AMBRA1: variants seen among roughly 807,000 people sequenced by gnomAD.
AMBRA1 encodes autophagy and beclin 1 regulator 1.
AMBRA1 carries 47 observed loss-of-function variants against 125.4 expected under a neutral mutation model. The ratio of observed to expected loss-of-function variants is 0.37; its 90% CI spans 0.30 to 0.48. The LOEUF (loss-of-function observed/expected upper bound fraction) is 0.48, where lower values mean the gene tolerates loss of function less well. Among genes scored for constraint, AMBRA1 ranks in the 20% least tolerant of loss-of-function variants. The pLI is 0.99. For missense variants in AMBRA1, 1,331 were observed against 1,693.4 expected, an observed-to-expected ratio of 0.79 and a Z score of 3.76; for synonymous variants, 626 against 655.5, an observed-to-expected ratio of 0.95 and a Z score of 0.69.
rs376203986 is a variant in AMBRA1, at chr11:46,493,612, C to T, written c.2517G>A (p.Leu839=). 3.3e-5 allele frequency: 53 copies of T among 1,603,186 alleles called. No homozygotes were observed. The highest frequency in any genetic ancestry group is 3.8e-5 in the Non-Finnish European group (45 of 1,176,744). The change falls in exon 11 of 18, where the codon CTG becomes CTA. Residue 839 remains leucine, a synonymous_variant. Transcript: ENST00000683756. The part of the protein sequence containing the change: ...LATHSSVNRV[L]AGAVIGDGQS... ...GCCAAAGAAACATTTCCTTACCTGC[C>T]AGGACCCTGTTAACAGAAGAGTGAG...
intron 14 of AMBRA1, chr11:46,428,649 A>C: frequency 6.3e-7 from 1 of 1,595,138 alleles, no homozygotes; most frequent in Non-Finnish European, 8.5e-7. Flanking sequence ...AATCCTCTCC[A>C]ATTTTACTGA....
chr11:46,537,220 C>T (rs1042548734), intron 7 of AMBRA1, among the ~76,000 whole-genome samples: 5 of 152,158 alleles, frequency 3.3e-5, no homozygotes, highest in African/African-American at 4.8e-5. Flanking sequence ...TAAGAGTTAA[C>T]TGAAAAGTTC....
chr11:46,511,995 C>G (rs1328689132), intron 8 of AMBRA1, among the ~76,000 whole-genome samples: 1 of 152,194 alleles, frequency 6.6e-6, no homozygotes, highest in Non-Finnish European at 1.5e-5. Context: ...GCTGGGATTA[C>G]AGGCATCTGC....
At position 46,409,963 on chromosome 11, in the gene AMBRA1, G is replaced by C. The variant is rs573816148; in HGVS notation, c.3209+313C>G. 1.3e-4 allele frequency among the ~76,000 whole-genome samples: 20 copies of C among 152,354 alleles called. No homozygotes were observed. The South Asian group carries it at 4.1e-3, about 32-fold the overall frequency. On this transcript the variant is annotated intron_variant, in intron 16 of 17. Coordinates refer to ENST00000683756, the MANE Select transcript of AMBRA1 (RefSeq NM_001387011.1). ...CTGGAAGAGCCTGGGCCATGGAGCA[G>C]ACTTCATGGGGCGGCATCCTTCTCC... is the stretch of plus-strand genomic sequence containing the variant.
chr11:46,587,884 C>G (rs1173660732), intron 1 of AMBRA1, among the ~76,000 whole-genome samples: 1 of 152,052 alleles, frequency 6.6e-6, no homozygotes, highest in Non-Finnish European at 1.5e-5. Context: ...CAGTCACAAT[C>G]AAGAAATAGC....
intron 14 of AMBRA1, among the ~76,000 whole-genome samples, chr11:46,420,497 G>A (rs987718145): frequency 5.9e-5 from 9 of 152,154 alleles, no homozygotes; most frequent in African/African-American, 1.9e-4. Flanking sequence ...AATGAGGTGT[G>A]GCACCTTTAT....
intron 11 of AMBRA1, among the ~76,000 whole-genome samples, chr11:46,445,894 G>A (rs1948258590): frequency 6.6e-6 from 1 of 152,194 alleles, no homozygotes; most frequent in Non-Finnish European, 1.5e-5. Context: ...CATATTTTAA[G>A]AGCTTATTCT....
intron 11 of AMBRA1, among the ~76,000 whole-genome samples, chr11:46,444,943 T>G (rs527500096): frequency 6.6e-6 from 1 of 152,232 alleles, no homozygotes; most frequent in Non-Finnish European, 1.5e-5. Flanking sequence ...ATTTTCAATT[T>G]GTAAGGAAAA....
chr11:46,585,143 T>C (rs923396217), intron 1 of AMBRA1, among the ~76,000 whole-genome samples: 10 of 152,188 alleles, frequency 6.6e-5, no homozygotes, highest in South Asian at 4.1e-4. Flanking sequence ...AAACAGATGC[T>C]TGAAGGCAGC....
At chr11:46,570,261 C>CAAAAA (rs200875374) in intron 1 of AMBRA1, among the ~76,000 whole-genome samples, 4 of 14,258 alleles carry the variant, frequency 2.8e-4, no homozygotes, top group African/African-American at 5.9e-4. Context: ...GACCATGTCT[C>CAAAAA]AAAAAAAAAA....
intron 9 of AMBRA1, among the ~76,000 whole-genome samples, chr11:46,499,818 G>A (rs552149841): frequency 6.6e-6 from 1 of 152,194 alleles, no homozygotes; most frequent in East Asian, 1.9e-4. Flanking sequence ...ACCACGCCCA[G>A]CTAATTTTTA....
At chr11:46,552,862 A>G (rs749292563) in intron 1 of AMBRA1, among the ~76,000 whole-genome samples, 1 of 152,096 alleles carries the variant, frequency 6.6e-6, no homozygotes, top group Non-Finnish European at 1.5e-5. Flanking sequence ...TTGGTGATTT[A>G]ATAATTTTAA....
chr11:46,574,157 T>TTATA (rs1208526430), intron 1 of AMBRA1, among the ~76,000 whole-genome samples: 1 of 144,430 alleles, frequency 6.9e-6, no homozygotes, highest in Non-Finnish European at 1.5e-5. Flanking sequence ...GCAGCATGAT[T>TTATA]TATAGTCCTT....
At chr11:46,535,228 G>A (rs1221180855) in intron 7 of AMBRA1, among the ~76,000 whole-genome samples, 7 of 152,144 alleles carry the variant, frequency 4.6e-5, no homozygotes, top group South Asian at 4.1e-4. Context: ...GTTAGAAAGC[G>A]TTTACTGTAT....
chr11:46,500,999 C>T (rs1190577285), intron 9 of AMBRA1, among the ~76,000 whole-genome samples: 2 of 152,172 alleles, frequency 1.3e-5, no homozygotes, highest in Non-Finnish European at 2.9e-5. Flanking sequence ...TTGCAAGGCA[C>T]GCAAGACAAA....
intron 11 of AMBRA1, among the ~76,000 whole-genome samples, chr11:46,462,161 TC>T (rs1949119786): frequency 3.3e-5 from 5 of 152,170 alleles, no homozygotes; most frequent in African/African-American, 1.2e-4. Flanking sequence ...TGCATGCATC[TC>T]CCAGAAAACC....
At position 46,397,422 on chromosome 11, in the gene AMBRA1, A is replaced by G; in HGVS notation, c.*28T>C. 6.8e-7 allele frequency: 1 copy of G among 1,465,484 alleles called. No individual in the cohort carries two copies. Among genetic ancestry groups the G allele is most frequent in the Non-Finnish European group, 9.0e-7 (1 of 1,105,496 alleles). The allele number at this position is 1,465,484 out of a possible 1,614,324, so 90.8% of individuals were successfully genotyped here. ...GGTCCGGTTTCTGCTTGGCGGTTCG[A>G]GGGGAGGCACCAGTGCAACGTTTGT... On this transcript the variant is annotated 3_prime_UTR_variant, in exon 18 of 18. Coordinates refer to ENST00000683756, the MANE Select transcript of AMBRA1 (RefSeq NM_001387011.1).
intron 1 of AMBRA1, among the ~76,000 whole-genome samples, chr11:46,590,674 A>C (rs1377061749): frequency 1.3e-5 from 2 of 152,156 alleles, no homozygotes; most frequent in Non-Finnish European, 2.9e-5. Flanking sequence ...TTTTTAAAGG[A>C]AATGTCAACA....
chr11:46,427,478 A>G (rs1448682435), intron 14 of AMBRA1, among the ~76,000 whole-genome samples: 1 of 152,238 alleles, frequency 6.6e-6, no homozygotes, highest in Non-Finnish European at 1.5e-5. Flanking sequence ...CAAGGTCTAG[A>G]TGGAATCGCC....
Sources: gnomAD v4.1 joint callset for allele counts (sites outside exome capture counted in the v4.1 genomes callset) on GRCh38, gnomAD v4.1.1 for gene constraint, MANE v1.5 for transcripts, NCBI Gene and HGNC (gene_info 2026-07-23, HGNC 2026-07-21) for gene names.